The following AOPEP variants were observed in gnomAD, a reference collection of about 807,000 sequenced individuals.
AOPEP encodes aminopeptidase O.
A neutral mutation model predicts 98.1 loss-of-function variants in AOPEP; 77 were observed. The ratio of observed to expected loss-of-function variants is 0.78; its 90% CI spans 0.65 to 0.95. The LOEUF is 0.95. AOPEP is among the 40% of genes least tolerant of loss of function. AOPEP has a pLI of 0.00. For missense variants in AOPEP, 1,024 were observed against 1,024.7 expected (o/e 1.00, Z 0.01); for synonymous variants, 346 against 365.3 (o/e 0.95, Z 0.60).
rs569106115 is a variant in AOPEP at position 94,892,652 on chromosome 9, G to C, written c.1365-31334G>C. 4.0e-5 allele frequency among the ~76,000 whole-genome samples: 6 copies of C among 149,240 alleles called. No individual in the cohort carries two copies. The South Asian group carries it at 8.6e-4, about 21-fold the overall frequency. ...GCAGGTGCTGACTTCTGTGTAGAGT[G>C]AAGGTGCTATTGTCCTGTTGTCATT... is the stretch of plus-strand genomic sequence containing the variant. On this transcript the variant is annotated intron_variant, in intron 5 of 16. Coordinates refer to ENST00000375315, the MANE Select transcript of AOPEP (RefSeq NM_001193329.3).
intron 13 of AOPEP, among the ~76,000 whole-genome samples, chr9:95,059,602 G>A (rs566767501): frequency 6.6e-6 from 1 of 152,272 alleles, no homozygotes; most frequent in South Asian, 2.1e-4. Context: ...AAGATGAGGA[G>A]CAGGGAGGGA....
At chr9:95,052,923 C>T (rs1331533224) in intron 13 of AOPEP, among the ~76,000 whole-genome samples, 1 of 152,030 alleles carries the variant, frequency 6.6e-6, no homozygotes, top group Non-Finnish European at 1.5e-5. Context: ...TTGATTGCTG[C>T]TTGCACAGAA....
At chr9:94,765,669 G>T (rs937817081) in intron 2 of AOPEP, among the ~76,000 whole-genome samples, 5 of 151,884 alleles carry the variant, frequency 3.3e-5, no homozygotes, top group Admixed American at 6.6e-5. Context: ...TTTTGTAAGA[G>T]CTGTTTTCCC....
At chr9:94,843,106 C>T (rs1357385846) in intron 5 of AOPEP, among the ~76,000 whole-genome samples, 1 of 152,186 alleles carries the variant, frequency 6.6e-6, no homozygotes, top group East Asian at 1.9e-4. Flanking sequence ...TTCTCTCTCT[C>T]TGGGACTCTA....
chr9:95,088,977 G>T (rs1444183972), downstream of AOPEP, among the ~76,000 whole-genome samples: 1 of 152,228 alleles, frequency 6.6e-6, no homozygotes, highest in Non-Finnish European at 1.5e-5. Context: ...CCCTGCCCGT[G>T]CTGGGGCTGC....
In AOPEP at chr9:94,925,962, C is replaced by T. The variant is rs370807293; in HGVS notation, c.1554+1787C>T. ...GAGAATGTACAAGAAATACCTGTTC[C>T]CTTCCTCTTTGTGTTTCCCTCCGTC... On this transcript the variant is annotated intron_variant, in intron 6 of 16. Transcript: ENST00000375315. Among the ~76,000 whole-genome samples, 52 of 152,296 alleles carry T rather than the reference C, an allele frequency of 3.4e-4. No individual in the cohort carries two copies. The East Asian group carries it at 6.4e-3, about 19-fold the overall frequency.
chr9:94,986,170 G>A (rs1054491943), intron 11 of AOPEP, among the ~76,000 whole-genome samples: 3 of 152,080 alleles, frequency 2.0e-5, no homozygotes, highest in African/African-American at 7.2e-5. Flanking sequence ...CTCTCTCCTC[G>A]GCTTGTAGAC....
chr9:94,873,789 T>C (rs1004871986), intron 5 of AOPEP, among the ~76,000 whole-genome samples: 1 of 152,250 alleles, frequency 6.6e-6, no homozygotes, highest in Non-Finnish European at 1.5e-5. Flanking sequence ...TATTGTCTTA[T>C]TCTTTGTTTC....
chr9:94,849,761 G>A (rs970045540), intron 5 of AOPEP, among the ~76,000 whole-genome samples: 7 of 152,048 alleles, frequency 4.6e-5, no homozygotes, highest in East Asian at 3.9e-4. Context: ...CAGGCGGAGC[G>A]CAGTGGCTCA....
intron 4 of AOPEP, among the ~76,000 whole-genome samples, chr9:94,798,297 G>A (rs1298853647): frequency 1.3e-5 from 2 of 152,138 alleles, no homozygotes; most frequent in East Asian, 3.9e-4. Flanking sequence ...GATTACAATG[G>A]TACTAATTCA....
intron 13 of AOPEP, among the ~76,000 whole-genome samples, chr9:95,050,050 G>C (rs1034623998): frequency 1.3e-5 from 2 of 152,166 alleles, no homozygotes; most frequent in Non-Finnish European, 2.9e-5. Context: ...GTAAAGTGAC[G>C]TTTTGCCATA....
intron 5 of AOPEP, among the ~76,000 whole-genome samples, chr9:94,868,778 C>G (rs544064553): frequency 6.6e-6 from 1 of 152,186 alleles, no homozygotes; most frequent in Non-Finnish European, 1.5e-5. Context: ...TGCCCCTCTC[C>G]CAGCAACCAC....
At chr9:94,735,832 C>G (rs1402113577) in intron 1 of AOPEP, among the ~76,000 whole-genome samples, 1 of 152,142 alleles carries the variant, frequency 6.6e-6, no homozygotes, top group Non-Finnish European at 1.5e-5. Flanking sequence ...TCCTCATTCT[C>G]TCTTTATCCC....
At chr9:94,821,263 G>T (rs1252806150) in intron 5 of AOPEP, among the ~76,000 whole-genome samples, 1 of 152,176 alleles carries the variant, frequency 6.6e-6, no homozygotes, top group Non-Finnish European at 1.5e-5. Context: ...TTTCAGGATA[G>T]AGCGTTCACC....
intron 11 of AOPEP, among the ~76,000 whole-genome samples, chr9:94,991,421 T>G (rs112230603): frequency 4.8e-4 from 73 of 152,356 alleles, no homozygotes; most frequent in Non-Finnish European, 9.0e-4. Flanking sequence ...GCAGTGCGTC[T>G]TCTTCTTACT....
At chr9:94,966,036 T>G (rs1312907676) in intron 9 of AOPEP, among the ~76,000 whole-genome samples, 2 of 146,250 alleles carry the variant, frequency 1.4e-5, no homozygotes, top group African/African-American at 5.2e-5. Context: ...GAGTCTGTAT[T>G]TGCAGACTTG....
chr9:95,039,157 C>T (rs2065079266), intron 13 of AOPEP, among the ~76,000 whole-genome samples: 1 of 152,088 alleles, frequency 6.6e-6, no homozygotes, highest in South Asian at 2.1e-4. Flanking sequence ...AACATGGGAT[C>T]GGCCCATGCT....
chr9:94,881,402 G>A (rs920038211), intron 5 of AOPEP, among the ~76,000 whole-genome samples: 6 of 152,046 alleles, frequency 3.9e-5, no homozygotes, highest in African/African-American at 7.2e-5. Flanking sequence ...CAGACATCTC[G>A]GGGAAAAGAA....
chr9:94,781,837 G>A (rs989482601), intron 3 of AOPEP, among the ~76,000 whole-genome samples: 1 of 150,890 alleles, frequency 6.6e-6, no homozygotes, highest in Non-Finnish European at 1.5e-5. Context: ...TGGGATTATA[G>A]GCGTGAAAGT....
Sources: gnomAD v4.1 joint callset for allele counts (sites outside exome capture counted in the v4.1 genomes callset) on GRCh38, gnomAD v4.1.1 for gene constraint, MANE v1.5 for transcripts, NCBI Gene and HGNC (gene_info 2026-07-23, HGNC 2026-07-21) for gene names.